DPH6: variants seen among roughly 807,000 people sequenced by gnomAD.
DPH6 encodes the protein diphthine--ammonia ligase.
DPH6 carries 33 observed loss-of-function variants against 38.2 expected under a neutral mutation model. That is an observed-to-expected ratio of 0.86 (90% CI 0.65 to 1.15). The LOEUF is 1.15. Ranked by LOEUF, DPH6 falls within the 50% of genes most tolerant of loss-of-function variation. The pLI is 0.00. For synonymous variants in DPH6, 108 were observed against 103.0 expected, an observed-to-expected ratio of 1.05 and a Z score of -0.30; for missense variants, 325 against 320.0, an observed-to-expected ratio of 1.02 and a Z score of -0.12.
chr15:35,200,892 G>GAATATATTAT, the DPH6 span, among the ~76,000 whole-genome samples: 2 of 147,300 alleles, frequency 1.4e-5, no homozygotes, highest in Middle Eastern at 3.9e-3. Flanking sequence ...TCTAATTGTA[G>GAATATATTAT]AATATATTAT....
At chr15:35,319,493 C>T (rs1301460069) in intron 3 of DPH6, among the ~76,000 whole-genome samples, 1 of 152,110 alleles carries the variant, frequency 6.6e-6, no homozygotes, top group Non-Finnish European at 1.5e-5. Context: ...GTAATCCCAG[C>T]ACTTCTGGAG....
chr15:35,441,786 GTA>G (rs1236916802), intron 5 of DPH6, among the ~76,000 whole-genome samples: 1 of 121,100 alleles, frequency 8.3e-6, no homozygotes, highest in African/African-American at 3.2e-5. Context: ...TTCTGCACGT[GTA>G]TCCCAGAACT....
chr15:35,487,313 T>G (rs1476738207), intron 3 of DPH6, among the ~76,000 whole-genome samples: 2 of 152,232 alleles, frequency 1.3e-5, no homozygotes, highest in African/African-American at 4.8e-5. Context: ...TGCATTGCCC[T>G]AGCAGAGGTT....
rs111365041 is a variant in DPH6, at chr15:35,270,610, T to A, written n.201-50028A>T. Among the ~76,000 whole-genome samples the A allele has an allele frequency of 4.2e-4, 64 of 152,362 alleles. 1 individual carries two copies. Among genetic ancestry groups the A allele is most frequent in the Middle Eastern group, 3.4e-3 (1 of 294 alleles). Reference sequence around the variant, plus strand: ...GGTCCACAATAGTGGAGGCTGTGTCTAGTTTACTTCTTTAAGGGCACCTAG... The same window carrying A: ...GGTCCACAATAGTGGAGGCTGTGTCAAGTTTACTTCTTTAAGGGCACCTAG... On this transcript the variant is annotated intron_variant and non_coding_transcript_variant, in intron 3 of 3. Coordinates refer to the DPH6 transcript ENST00000560386.
At chr15:35,258,423 C>T (rs185230360) in intron 3 of DPH6, among the ~76,000 whole-genome samples, 376 of 152,292 alleles carry the variant, frequency 2.5e-3, no homozygotes, top group Non-Finnish European at 3.6e-3. Flanking sequence ...TAAACCAATG[C>T]TTTAAAATTT....
chr15:35,325,179 T>C (rs1284850486), intron 3 of DPH6, among the ~76,000 whole-genome samples: 1 of 152,204 alleles, frequency 6.6e-6, no homozygotes, highest in Non-Finnish European at 1.5e-5. Flanking sequence ...GTTTAATACA[T>C]TTCTAATCTG....
At chr15:35,198,227 G>C in the DPH6 span, among the ~76,000 whole-genome samples, 6 of 151,348 alleles carry the variant, frequency 4.0e-5, no homozygotes. Context: ...AGAATACTAG[G>C]CTTCTAATTT....
intron 3 of DPH6, among the ~76,000 whole-genome samples, chr15:35,456,070 C>T (rs1020459599): frequency 1.3e-5 from 2 of 152,084 alleles, no homozygotes; most frequent in South Asian, 2.1e-4. Flanking sequence ...CAAAATAAAA[C>T]GATTATTTTT....
chr15:35,179,959 TCTTGTA>T, the DPH6 span, among the ~76,000 whole-genome samples: 1 of 152,220 alleles, frequency 6.6e-6, no homozygotes, highest in Non-Finnish European at 1.5e-5. Flanking sequence ...TTCATTTTTC[TCTTGTA>T]CTTGTAAAGA....
intron 3 of DPH6, among the ~76,000 whole-genome samples, chr15:35,359,454 G>C (rs1410754637): frequency 1.3e-5 from 2 of 152,192 alleles, no homozygotes; most frequent in African/African-American, 2.4e-5. Context: ...GCTTCTCTCT[G>C]TGTAGTTTTA....
intron 3 of DPH6, among the ~76,000 whole-genome samples, chr15:35,292,249 T>C (rs1274676054): frequency 6.6e-6 from 1 of 152,172 alleles, no homozygotes; most frequent in Non-Finnish European, 1.5e-5. Context: ...AGACACCTGA[T>C]AGTGTTATTA....
At chr15:35,321,113 C>T (rs1212632903) in intron 3 of DPH6, among the ~76,000 whole-genome samples, 1 of 152,212 alleles carries the variant, frequency 6.6e-6, no homozygotes, top group Non-Finnish European at 1.5e-5. Context: ...GAAACTATGC[C>T]TACATTTTAG....
chr15:35,188,173 T>C, the DPH6 span, among the ~76,000 whole-genome samples: 1 of 152,112 alleles, frequency 6.6e-6, no homozygotes, highest in Non-Finnish European at 1.5e-5. Flanking sequence ...ACTCTCCCAA[T>C]AGAGAGAAAT....
chr15:35,470,455 CG>C (rs2054184259), intron 3 of DPH6, among the ~76,000 whole-genome samples: 1 of 151,920 alleles, frequency 6.6e-6, no homozygotes, highest in Non-Finnish European at 1.5e-5. Context: ...TTGCTGTTGA[CG>C]GGAACTGAAC....
chr15:35,146,912 C>G, the DPH6 span, among the ~76,000 whole-genome samples: 1 of 152,118 alleles, frequency 6.6e-6, no homozygotes, highest in African/African-American at 2.4e-5. Flanking sequence ...TCATAAATGT[C>G]TTGGGAAAAT....
chr15:35,329,947 TAA>T (rs201228342), downstream of DPH6, among the ~76,000 whole-genome samples: 1 of 151,318 alleles, frequency 6.6e-6, no homozygotes, highest in Non-Finnish European at 1.5e-5. Flanking sequence ...ATAGAAAGGT[TAA>T]AAAAAAATAT....
intron 3 of DPH6, among the ~76,000 whole-genome samples, chr15:35,503,024 TTTG>T (rs2141200085): frequency 6.6e-6 from 1 of 150,834 alleles, no homozygotes; most frequent in East Asian, 1.9e-4. Flanking sequence ...GACTGCATCA[TTTG>T]TTATTTCTTG....
At chr15:35,386,685 T>C (rs1467630096) in intron 6 of DPH6, among the ~76,000 whole-genome samples, 1 of 152,178 alleles carries the variant, frequency 6.6e-6, no homozygotes, top group Non-Finnish European at 1.5e-5. Context: ...AATTTTTTGA[T>C]GGAGTTGTTT....
At chr15:35,545,704 G>A (rs996780857) in intron 1 of DPH6, among the ~76,000 whole-genome samples, 7 of 151,958 alleles carry the variant, frequency 4.6e-5, no homozygotes, top group African/African-American at 1.7e-4. Flanking sequence ...AAAGGGCGAG[G>A]GTTATTAACT....
Sources: allele counts gnomAD v4.1 joint callset (sites outside exome capture counted in the v4.1 genomes callset), GRCh38; gene constraint gnomAD v4.1.1; transcripts MANE v1.5; gene names NCBI Gene and HGNC (gene_info 2026-07-23, HGNC 2026-07-21).